Variants in DDA1 observed in about 807,000 individuals in gnomAD.
DDA1 encodes the protein DET1 and DDB1 associated 1.
A neutral mutation model predicts 18.6 loss-of-function variants in DDA1; 3 were observed. The observed-to-expected ratio is 0.16, with a 90% CI of 0.07 to 0.42. The LOEUF is 0.42. Among genes scored for constraint, DDA1 ranks in the 10% least tolerant of loss-of-function variants. DDA1 has a pLI of 0.99. For missense variants in DDA1, 105 were observed against 138.2 expected (o/e 0.76, Z 1.20); for synonymous variants, 52 against 54.0 (o/e 0.96, Z 0.17).
rs1360877085 is a variant in DDA1 at position 17,315,328 on chromosome 19, T to TAC, written c.137-601_137-600dup. 2.0e-5 allele frequency among the ~76,000 whole-genome samples: 2 copies of TAC among 100,834 alleles called. 1 individual carries two copies. The highest frequency in any genetic ancestry group is 5.7e-4 in the South Asian group (2 of 3,500). The allele number at this position is 100,834 out of a possible 152,430, so 66.2% of individuals were successfully genotyped here. A position where few individuals can be genotyped will look rare whatever the true frequency, so the allele number is the denominator to read the frequency against. The stretch of plus-strand genomic sequence containing the variant: ...TGTATATATATACACGCTATATATA[T>TAC]ACACACGTATATATATACACGCTAT... On this transcript the variant is annotated intron_variant, in intron 3 of 4. Transcript: ENST00000359866.
chr19:17,314,138 T>C lies in DDA1; in HGVS notation c.84+35T>C. 1 of 1,610,310 alleles carries C rather than the reference T, an allele frequency of 6.2e-7. No homozygotes were observed. Among genetic ancestry groups the C allele is most frequent in the Non-Finnish European group, 8.5e-7 (1 of 1,176,976 alleles). The stretch of plus-strand genomic sequence containing the variant: ...TGTTCCTGGGACTGGGAGGAATTGG[T>C]CACTTCCAGGGGGCCTGGGGGCAGC... On this transcript the variant is annotated intron_variant, in intron 2 of 4. Transcript: ENST00000359866. This position sits in a 1 kb window ranked among gnomAD's most constrained non-coding sequence, Gnocchi z 4.6.
rs2074234520 is a variant in DDA1, at chr19:17,320,393, C to T, written c.*737C>T. ...GAGGAGTGAGAAGGGCCCCCCACGC[C>T]AGGGGCCCCAGGACCGGCTGGATTC... On this transcript the variant is annotated 3_prime_UTR_variant, in exon 5 of 5. Coordinates refer to ENST00000359866, the MANE Select transcript of DDA1 (RefSeq NM_024050.6). The T allele has an allele frequency of 6.6e-6, 1 of 152,256 alleles. No homozygotes were observed. Among genetic ancestry groups the T allele is most frequent in the Non-Finnish European group, 1.5e-5 (1 of 68,068 alleles). 9.4% of individuals were successfully genotyped at this position (152,256 alleles called of 1,614,324 possible). A position where few individuals can be genotyped will look rare whatever the true frequency, so the allele number is the denominator to read the frequency against.
intron 1 of DDA1, chr19:17,310,297 A>G (rs1263098829): frequency 6.6e-6 from 1 of 152,364 alleles, no homozygotes; most frequent in Admixed American, 6.5e-5. Flanking sequence ...GACTCAGGAT[A>G]GTGAATGCTC....
At position 17,320,371 on chromosome 19, in the gene DDA1, G is replaced by T. The variant is rs2074234334; in HGVS notation, c.*715G>T. 6.6e-6 allele frequency: 1 copy of T among 152,268 alleles called. No homozygotes were observed. Among genetic ancestry groups the T allele is most frequent in the Non-Finnish European group, 1.5e-5 (1 of 68,076 alleles). 9.4% of individuals were successfully genotyped at this position (152,268 alleles called of 1,614,324 possible). On this transcript the variant is annotated 3_prime_UTR_variant, in exon 5 of 5. Coordinates refer to ENST00000359866, the MANE Select transcript of DDA1 (RefSeq NM_024050.6). Reference sequence around the variant, plus strand: ...GAGTCATCCCTGTTGTCACCAAGAGGAGTGAGAAGGGCCCCCCACGCCAGG... The same window carrying T: ...GAGTCATCCCTGTTGTCACCAAGAGTAGTGAGAAGGGCCCCCCACGCCAGG...
rs148196076 is a variant in DDA1 at position 17,315,989 on chromosome 19, C to T, written c.192C>T (p.Asp64=). The T allele has an allele frequency of 1.9e-6, 3 of 1,614,146 alleles. No homozygotes were observed. The African/African-American group carries it at 4.0e-5, about 22-fold the overall frequency. ...TGCGCTACCTGCATCAGCAATGGGA[C>T]AAAAAGGTGAGGCCCACAGGGCTCT... is the stretch of plus-strand genomic sequence containing the variant. ...ILLRYLHQQW[D]KKNAAKKRDQ... Residue 64 remains aspartate (D), a synonymous_variant, in exon 4 of 5, where the codon GAC becomes GAT. Transcript: ENST00000359866.
rs1254952806 is a variant in DDA1, at chr19:17,315,158, T to TATAC, written c.136+770_136+771insTACA. Among the ~76,000 whole-genome samples, 5 of 29,134 alleles carry TATAC rather than the reference T, an allele frequency of 1.7e-4. 2 individuals are homozygous for TATAC. The highest frequency in any genetic ancestry group is 1.3e-3 in the African/African-American group (5 of 3,924). 19.1% of individuals were successfully genotyped at this position (29,134 alleles called of 152,430 possible). On this transcript the variant is annotated intron_variant, in intron 3 of 4. Transcript: ENST00000359866. ...ACATATATATACACACACGTATATA[T>TATAC]ACACACGTGTATATACACACACGTG...
chr19:17,315,330 CACACGTATATATATACACGCTATATATAT>C (rs1177050874), intron 3 of DDA1, among the ~76,000 whole-genome samples: 5 of 109,038 alleles, frequency 4.6e-5, no homozygotes, highest in African/African-American at 1.9e-4. Context: ...TATATATATA[CACACGTATATATATACACGCTATATATAT>C]ACGCTATATA....
intron 4 of DDA1, among the ~76,000 whole-genome samples, chr19:17,318,017 CT>C (rs1024094569): frequency 3.3e-5 from 5 of 151,768 alleles, no homozygotes; most frequent in Admixed American, 2.6e-4. Flanking sequence ...CTCTTTTCCC[CT>C]TTTTTTCCCC....
chr19:17,311,192 G>T (rs190563751), intron 1 of DDA1, among the ~76,000 whole-genome samples: 1 of 150,298 alleles, frequency 6.7e-6, no homozygotes, highest in East Asian at 2.0e-4. Flanking sequence ...TTGAGATGGA[G>T]TCTTGCTCTG....
intron 1 of DDA1, among the ~76,000 whole-genome samples, chr19:17,313,709 C>T (rs1466478151): frequency 6.6e-6 from 1 of 152,166 alleles, no homozygotes; most frequent in Admixed American, 6.6e-5. Context: ...TCCCAAAGTG[C>T]TGGGATTCAG....
Position 17,315,539 on chromosome 19 carries a change from A to C in DDA1, c.137-395A>C, listed in dbSNP as rs143159516. ...GAGCTCCAGGCTGCAGTGAGCTATG[A>C]TTATTCCAGCCTGGGTGACAAGAGT... On this transcript the variant is annotated intron_variant, in intron 3 of 4. Transcript: ENST00000359866. 1.7e-3 allele frequency among the ~76,000 whole-genome samples: 252 copies of C among 150,516 alleles called. 1 individual carries two copies. The highest frequency in any genetic ancestry group is 6.0e-3 in the African/African-American group (243 of 40,774).
At chr19:17,315,031 G>A (rs1276827986) in intron 3 of DDA1, among the ~76,000 whole-genome samples, 1 of 151,406 alleles carries the variant, frequency 6.6e-6, no homozygotes, top group East Asian at 1.9e-4. Flanking sequence ...GAGGCCAGGA[G>A]TTCGAGACCA....
intron 1 of DDA1, among the ~76,000 whole-genome samples, chr19:17,312,209 C>T (rs1225455689): frequency 6.6e-6 from 1 of 152,106 alleles, no homozygotes; most frequent in Non-Finnish European, 1.5e-5. Context: ...AGTACCTGCA[C>T]CTCTCGCCAC....
chr19:17,316,211 C>T (rs1197567899), intron 4 of DDA1, among the ~76,000 whole-genome samples: 1 of 152,142 alleles, frequency 6.6e-6, no homozygotes, highest in East Asian at 1.9e-4. Flanking sequence ...AGGCTGGAGG[C>T]CAGGCCCAAG....
chr19:17,309,983 C>G (rs1303115769), intron 1 of DDA1, among the ~76,000 whole-genome samples: 1 of 152,176 alleles, frequency 6.6e-6, no homozygotes, highest in Non-Finnish European at 1.5e-5. Flanking sequence ...TGGCCTCGTT[C>G]TCAGCACGCC....
At chr19:17,313,231 G>A (rs183184107) in intron 1 of DDA1, among the ~76,000 whole-genome samples, 31 of 152,064 alleles carry the variant, frequency 2.0e-4, no homozygotes, top group South Asian at 6.2e-4. Context: ...CTGGTTTTCT[G>A]ACTGAGACTG....
At position 17,315,675 on chromosome 19, in the gene DDA1, G is replaced by A. The variant is rs1294304481; in HGVS notation, c.137-259G>A. 4 of 554,886 alleles carry A rather than the reference G, an allele frequency of 7.2e-6. No individual in the cohort carries two copies. The East Asian group carries it at 1.2e-4, about 17-fold the overall frequency. 34.4% of individuals were successfully genotyped at this position (554,886 alleles called of 1,614,324 possible). Reference sequence around the variant, plus strand: ...TCCTAGTCAGCCTGGGAGAAACATAGGCATGAGAGTCTCAGTTGCGGGGCT... The same window carrying A: ...TCCTAGTCAGCCTGGGAGAAACATAAGCATGAGAGTCTCAGTTGCGGGGCT... On this transcript the variant is annotated intron_variant, in intron 3 of 4. Transcript: ENST00000359866.
chr19:17,316,068 C>T (rs2074211505), intron 4 of DDA1, 73 bp downstream of exon 4: 1 of 1,519,540 alleles, frequency 6.6e-7, no homozygotes, highest in African/African-American at 1.4e-5. Flanking sequence ...GGCTTCTGAG[C>T]ACAGGAAGGA....
Position 17,321,645 on chromosome 19 carries a change from T to C in DDA1, c.*1989T>C, listed in dbSNP as rs1053341002. On this transcript the variant is annotated 3_prime_UTR_variant, in exon 5 of 5. Coordinates refer to ENST00000359866, the MANE Select transcript of DDA1 (RefSeq NM_024050.6). ...CAGAGCTAGCAGACACTCCGGGCTA[T>C]GGAGGGTCCGCCTGCCCCAGATTCC... 2.0e-5 allele frequency: 3 copies of C among 152,280 alleles called. No homozygotes were observed. Among genetic ancestry groups the C allele is most frequent in the Non-Finnish European group, 4.4e-5 (3 of 68,098 alleles). 9.4% of individuals were successfully genotyped at this position (152,280 alleles called of 1,614,324 possible).
Sources: allele counts gnomAD v4.1 joint callset (sites outside exome capture counted in the v4.1 genomes callset), GRCh38; gene constraint gnomAD v4.1.1; non-coding constraint Gnocchi (gnomAD v3.1); transcripts MANE v1.5; gene names NCBI Gene and HGNC (gene_info 2026-07-23, HGNC 2026-07-21).